The following SUCLG2 variants were observed in gnomAD, a reference collection of about 807,000 sequenced individuals.
The protein encoded by SUCLG2 is succinate-CoA ligase GDP-forming subunit beta.
Under a neutral mutation model 47.9 loss-of-function variants are expected in SUCLG2, and 42 were observed. The ratio of observed to expected loss-of-function variants is 0.88; its 90% confidence interval spans 0.69 to 1.14. The LOEUF is 1.14. Among genes scored for constraint, SUCLG2 ranks in the 50% most tolerant of loss-of-function variants. The pLI is 0.00. For missense variants in SUCLG2, 571 were observed against 525.9 expected (o/e 1.09, Z -0.84); for synonymous variants, 195 against 197.3 (o/e 0.99, Z 0.10).
At chr3:67,520,701 A>T in intron 4 of SUCLG2, 67 bp from the exon 5 acceptor site, 2 of 1,530,830 alleles carry the variant, frequency 1.3e-6, no homozygotes, top group Admixed American at 2.1e-5. Context: ...AAATCTATAC[A>T]AACTTGCTAC....
intron 9 of SUCLG2, among the ~76,000 whole-genome samples, chr3:67,430,611 C>T (rs1703450514): frequency 6.6e-6 from 1 of 152,060 alleles, no homozygotes; most frequent in African/African-American, 2.4e-5. Flanking sequence ...CAGAGCAGAA[C>T]TGAAGGACAT....
At chr3:67,363,812 A>G (rs1412196730) in intron 10 of SUCLG2, among the ~76,000 whole-genome samples, 1 of 138,114 alleles carries the variant, frequency 7.2e-6, no homozygotes, top group South Asian at 2.8e-4. Context: ...CCCCCTGCAA[A>G]TGAGCTCTGT....
intron 9 of SUCLG2, among the ~76,000 whole-genome samples, chr3:67,427,901 C>T (rs1402907757): frequency 6.6e-6 from 1 of 152,208 alleles, no homozygotes; most frequent in Admixed American, 6.5e-5. Flanking sequence ...TGCAAGGTGG[C>T]AGCAAGGCTG....
chr3:67,442,699 A>G (rs1273234658), intron 9 of SUCLG2, among the ~76,000 whole-genome samples: 1 of 152,230 alleles, frequency 6.6e-6, no homozygotes, highest in African/African-American at 2.4e-5. Flanking sequence ...TTTTTCCTAC[A>G]GAGACTTTGT....
intron 9 of SUCLG2, among the ~76,000 whole-genome samples, chr3:67,433,139 G>C (rs933154088): frequency 1.3e-5 from 2 of 152,040 alleles, no homozygotes; most frequent in Admixed American, 6.5e-5. Context: ...GTTGCTGCTA[G>C]CCATTTCCTC....
chr3:67,444,108 T>G (rs1301757525), intron 9 of SUCLG2, among the ~76,000 whole-genome samples: 12 of 63,950 alleles, frequency 1.9e-4, no homozygotes, highest in East Asian at 7.7e-4. Context: ...GGGAGGGAGG[T>G]GGGGGGGTCA....
intron 1 of SUCLG2, among the ~76,000 whole-genome samples, chr3:67,652,126 CA>C: frequency 7.4e-6 from 1 of 135,256 alleles, no homozygotes; most frequent in Admixed American, 7.5e-5. Flanking sequence ...TACTATCAAT[CA>C]AAAGTCAAAA....
At position 67,492,412 on chromosome 3, in the gene SUCLG2, T is replaced by C. The variant is rs1165016805; in HGVS notation, c.1062+3386A>G. Among the ~76,000 whole-genome samples, 3 of 152,230 alleles carry C rather than the reference T, an allele frequency of 2.0e-5. No homozygotes were observed. The East Asian group carries it at 5.8e-4, about 29-fold the overall frequency. ...AATTAAAATACAAACCAGAGTATAATTTGGAAAACAAAAACCCAAGGTTAA... is the reference window on the plus strand; with the variant it reads ...AATTAAAATACAAACCAGAGTATAACTTGGAAAACAAAAACCCAAGGTTAA... On this transcript the variant is annotated intron_variant, in intron 9 of 10. Coordinates refer to ENST00000307227, the MANE Select transcript of SUCLG2 (RefSeq NM_003848.4).
intron 2 of SUCLG2, among the ~76,000 whole-genome samples, chr3:67,601,820 A>T (rs897103093): frequency 6.6e-5 from 10 of 152,022 alleles, no homozygotes; most frequent in African/African-American, 2.4e-4. Context: ...CGTGTCTATT[A>T]AAAATATAAA....
chr3:67,470,574 T>C (rs1369815150), intron 9 of SUCLG2, among the ~76,000 whole-genome samples: 1 of 152,158 alleles, frequency 6.6e-6, no homozygotes, highest in East Asian at 1.9e-4. Context: ...TGGAGTGGGC[T>C]CCTGATAAAA....
chr3:67,617,930 G>C (rs943174188), intron 1 of SUCLG2, among the ~76,000 whole-genome samples: 1 of 152,214 alleles, frequency 6.6e-6, no homozygotes, highest in African/African-American at 2.4e-5. Flanking sequence ...GATAAAAATA[G>C]TAGGTGATCA....
At chr3:67,573,355 C>T (rs1347325928) in intron 2 of SUCLG2, among the ~76,000 whole-genome samples, 1 of 152,042 alleles carries the variant, frequency 6.6e-6, no homozygotes, top group Non-Finnish European at 1.5e-5. Flanking sequence ...ATTGCCAAAA[C>T]GAATTTGAAA....
chr3:67,496,871 C>G (rs980631575), intron 8 of SUCLG2, among the ~76,000 whole-genome samples: 1 of 151,824 alleles, frequency 6.6e-6, no homozygotes, highest in African/African-American at 2.4e-5. Context: ...CCCTCCAATT[C>G]CCTAGAAAAG....
chr3:67,475,168 T>C (rs1575721270), intron 9 of SUCLG2, among the ~76,000 whole-genome samples: 3 of 152,236 alleles, frequency 2.0e-5, no homozygotes, highest in South Asian at 2.1e-4. Context: ...AAATCATGAG[T>C]TGGCAACTCC....
chr3:67,486,124 G>T (rs1705044264), intron 9 of SUCLG2, among the ~76,000 whole-genome samples: 1 of 152,082 alleles, frequency 6.6e-6, no homozygotes, highest in South Asian at 2.1e-4. Flanking sequence ...AATTAGCCAG[G>T]TGCAGTGTCA....
At chr3:67,480,720 C>T (rs1028760353) in intron 9 of SUCLG2, among the ~76,000 whole-genome samples, 4 of 152,172 alleles carry the variant, frequency 2.6e-5, no homozygotes, top group Non-Finnish European at 5.9e-5. Flanking sequence ...GGACTTGTGG[C>T]CAGAGACCAT....
chr3:67,391,733 G>A (rs1372156094), intron 10 of SUCLG2, among the ~76,000 whole-genome samples: 1 of 152,084 alleles, frequency 6.6e-6, no homozygotes, highest in Non-Finnish European at 1.5e-5. Flanking sequence ...GAATTGTTCT[G>A]GGCAGAGTGA....
chr3:67,462,947 C>T (rs1234878793), intron 9 of SUCLG2, among the ~76,000 whole-genome samples: 1 of 152,176 alleles, frequency 6.6e-6, no homozygotes, highest in Non-Finnish European at 1.5e-5. Flanking sequence ...GGAAAACCCC[C>T]CACACATTTG....
chr3:67,409,395 C>G (rs1430209172), intron 9 of SUCLG2, among the ~76,000 whole-genome samples: 2 of 152,066 alleles, frequency 1.3e-5, no homozygotes, highest in African/African-American at 4.8e-5. Flanking sequence ...ATCATCAATA[C>G]AGATTTTAGA....
Sources: allele counts gnomAD v4.1 joint callset (sites outside exome capture counted in the v4.1 genomes callset), GRCh38; gene constraint gnomAD v4.1.1; transcripts MANE v1.5; gene names NCBI Gene and HGNC (gene_info 2026-07-23, HGNC 2026-07-21).